The following FCRLA variants were observed in gnomAD, a reference collection of about 807,000 sequenced individuals.
FCRLA encodes the protein Fc receptor-like A.
FCRLA carries 26 observed loss-of-function variants against 28.4 expected under a neutral mutation model. That is an observed-to-expected ratio of 0.91 (90% CI 0.67 to 1.27). The LOEUF is 1.27. Ranked by LOEUF, FCRLA falls within the 50% of genes most tolerant of loss-of-function variation. FCRLA has a pLI of 0.00. For missense variants in FCRLA, 422 were observed against 433.1 expected, an observed-to-expected ratio of 0.97 and a Z score of 0.23; for synonymous variants, 174 against 168.5, an observed-to-expected ratio of 1.03 and a Z score of -0.25.
In FCRLA at chr1:161,711,752, G is replaced by A. The variant is rs1172590709; in HGVS notation, c.500-182G>A. ...ACAACTATCAGATTTGCCCATCTGT[G>A]GATCTTTCCTAGTCCTGTCTACTTA... On this transcript the variant is annotated intron_variant, in intron 3 of 4. Coordinates refer to ENST00000236938, the MANE Select transcript of FCRLA (RefSeq NM_032738.4). 1.3e-5 allele frequency: 11 copies of A among 840,890 alleles called. No homozygotes were observed. In the East Asian group the frequency reaches 2.7e-4, roughly 21 times the overall value. The allele number at this position is 840,890 out of a possible 1,614,324, so 52.1% of individuals were successfully genotyped here.
Position 161,712,140 on chromosome 1 carries a change from GGGTCATACT to G in FCRLA, c.710_718del (p.Ser237_Trp239del). The G allele has an allele frequency of 6.2e-7, 1 of 1,614,166 alleles. No individual in the cohort carries two copies. The highest frequency in any genetic ancestry group is 8.5e-7 in the Non-Finnish European group (1 of 1,180,036). On this transcript the variant is annotated inframe_deletion, in exon 4 of 5. Coordinates refer to ENST00000236938, the MANE Select transcript of FCRLA (RefSeq NM_032738.4). Reference sequence around the variant, plus strand: ...CCCCACAGCTTCAGAAGATCACTCCGGGTCATACTGGTGTGAGGCAGCCACTGAGGACAA... The same window carrying G: ...CCCCACAGCTTCAGAAGATCACTCCGGGTGTGAGGCAGCCACTGAGGACAA...
At chr1:161,709,672 G>A (rs544554575) in intron 1 of FCRLA, among the ~76,000 whole-genome samples, 78 of 152,182 alleles carry the variant, frequency 5.1e-4, no homozygotes, top group African/African-American at 1.5e-3. Context: ...AGTGGGGCAC[G>A]AAATGACAGT....
Position 161,710,876 on chromosome 1 carries a change from A to G in FCRLA, c.196A>G (p.Thr66Ala). The G allele has an allele frequency of 1.2e-6, 2 of 1,613,560 alleles. No individual in the cohort carries two copies. The highest frequency in any genetic ancestry group is 1.7e-6 in the Non-Finnish European group (2 of 1,180,020). Residue 66 changes from threonine (T) to alanine (A), a missense_variant, in exon 2 of 5, where the codon ACT becomes GCT. Thr to Ala is a moderately conservative substitution (Grantham distance 58). Around this residue, in one of 3 missense-constraint regions of FCRLA, gnomAD observed 231 missense variants for 214.6 expected, o/e 1.08. Coordinates refer to ENST00000236938, the MANE Select transcript of FCRLA (RefSeq NM_032738.4). The stretch of plus-strand genomic sequence containing the variant: ...AGCTGGCTTCCAGGTCAAGGCCTAC[A>G]CTTTCAGTGAACCCTTCCACCTGAT... ...REAGFQVKAY[T>A]FSEPFHLIVS...
Position 161,713,604 on chromosome 1 carries a change from G to A in FCRLA, c.*224G>A, listed in dbSNP as rs1683218572. ...TAACACAACAGAATTCTGCTGTCTAGATCAGGAATTTCTATCTGTTATATC... is the reference window on the plus strand; with the variant it reads ...TAACACAACAGAATTCTGCTGTCTAAATCAGGAATTTCTATCTGTTATATC... On this transcript the variant is annotated 3_prime_UTR_variant, in exon 5 of 5. Coordinates refer to ENST00000236938, the MANE Select transcript of FCRLA (RefSeq NM_032738.4). 2.1e-6 allele frequency: 1 copy of A among 468,992 alleles called. No homozygotes were observed. The highest frequency in any genetic ancestry group is 3.8e-6 in the Non-Finnish European group (1 of 266,118). The allele number at this position is 468,992 out of a possible 1,614,324, so 29.1% of individuals were successfully genotyped here. A position where few individuals can be genotyped will look rare whatever the true frequency, so the allele number is the denominator to read the frequency against.
At chr1:161,709,078 C>A (rs540365052) in intron 1 of FCRLA, among the ~76,000 whole-genome samples, 1 of 152,122 alleles carries the variant, frequency 6.6e-6, no homozygotes, top group East Asian at 1.9e-4. Flanking sequence ...TAATACCTAC[C>A]ACCTAAGGTT....
At chr1:161,710,319 TG>T in intron 1 of FCRLA, 1 of 673,452 alleles carries the variant, frequency 1.5e-6, no homozygotes, top group Non-Finnish European at 2.6e-6. Flanking sequence ...GTCACCTACC[TG>T]GAAAGTTTGT....
Position 161,713,238 on chromosome 1 carries a change from C to T in FCRLA, c.938C>T (p.Pro313Leu), listed in dbSNP as rs1411624227. Residue 313 changes from proline (P) to leucine (L), a missense_variant, in exon 5 of 5, where the codon CCA (proline) becomes CTA (leucine). Coordinates refer to ENST00000236938, the MANE Select transcript of FCRLA (RefSeq NM_032738.4). ...GGCTTTTCTTCTCCTCTGGGGATGC[C>T]AGATCCTCATCTGTATCACCAGATG... ...DPGFSSPLGM[P>L]DPHLYHQMGL... is the part of the protein sequence containing the mutation. 1.2e-6 allele frequency: 2 copies of T among 1,614,098 alleles called. No individual in the cohort carries two copies. Among genetic ancestry groups the T allele is most frequent in the African/African-American group, 2.7e-5 (2 of 74,942 alleles).
At position 161,713,077 on chromosome 1, in the gene FCRLA, T is replaced by C. The variant is rs145958684; in HGVS notation, c.785-8T>C. On this transcript the variant is annotated splice_polypyrimidine_tract_variant and splice_region_variant and intron_variant, in intron 4 of 4. Coordinates refer to ENST00000236938, the MANE Select transcript of FCRLA (RefSeq NM_032738.4). ...ACTCTTGTATGTGCCTCCTGCCCCA[T>C]AATTCAGGTGCTTCCAGCTCTGCTG... 1.9e-6 allele frequency: 3 copies of C among 1,607,746 alleles called. No individual in the cohort carries two copies. The African/African-American group carries it at 4.0e-5, about 22-fold the overall frequency.
chr1:161,711,836 G>A (rs1683115750), intron 3 of FCRLA, 98 bp from the exon 4 acceptor site: 3 of 1,385,694 alleles, frequency 2.2e-6, no homozygotes, highest in Non-Finnish European at 2.9e-6. Flanking sequence ...GCTGGAAACA[G>A]GGGAAAGGAA....
chr1:161,711,537 T>C, intron 3 of FCRLA, 63 bp downstream of exon 3: 1 of 1,545,120 alleles, frequency 6.5e-7, no homozygotes. Context: ...GAGCCCAAAT[T>C]GTCTTTCTTT....
rs749268660 is a variant in FCRLA, at chr1:161,711,464, C to G, written c.489C>G (p.Ile163Met). The change falls in exon 3 of 5, where the codon ATC becomes ATG. Residue 163 changes from isoleucine to methionine, a missense_variant. By Grantham distance (10) the Ile-to-Met change is conservative. Around this residue, in one of 3 missense-constraint regions of FCRLA, gnomAD observed 231 missense variants for 214.6 expected, o/e 1.08. Coordinates refer to ENST00000236938, the MANE Select transcript of FCRLA (RefSeq NM_032738.4). ...CAGAAACAGCATCTGTTGTGGCTAT[C>G]ACAGTCCAAGGTGAGAGCTAGAAGC... Reference protein sequence around the residue: ...GIPETASVVAITVQELFPAPI... With the variant: ...GIPETASVVAMTVQELFPAPI... 6.2e-7 allele frequency: 1 copy of G among 1,613,214 alleles called. No individual in the cohort carries two copies. Among genetic ancestry groups the G allele is most frequent in the South Asian group, 1.1e-5 (1 of 90,946 alleles).
chr1:161,713,665 A>G lies in FCRLA; in HGVS notation c.*285A>G, dbSNP rs1229935709. 3.5e-6 allele frequency: 1 copy of G among 282,572 alleles called. No individual in the cohort carries two copies. Among genetic ancestry groups the G allele is most frequent in the East Asian group, 8.2e-5 (1 of 12,126 alleles). 17.5% of individuals were successfully genotyped at this position (282,572 alleles called of 1,614,324 possible). A position where few individuals can be genotyped will look rare whatever the true frequency, so the allele number is the denominator to read the frequency against. On this transcript the variant is annotated 3_prime_UTR_variant, in exon 5 of 5. Coordinates refer to ENST00000236938, the MANE Select transcript of FCRLA (RefSeq NM_032738.4). The stretch of plus-strand genomic sequence containing the variant: ...TTGTGATTTAAAGAGAACTAATGGA[A>G]GTGGATTGAATACAGCAGTCTCAAC...
intron 2 of FCRLA, 143 bp from the exon 3 acceptor site, chr1:161,711,065 G>A (rs1226224453): frequency 3.5e-6 from 5 of 1,432,720 alleles, no homozygotes; most frequent in South Asian, 2.7e-5. Context: ...TAAGTCCTAG[G>A]CCCTAGGGAA....
At chr1:161,708,146 G>A in intron 1 of FCRLA, among the ~76,000 whole-genome samples, 1 of 152,130 alleles carries the variant, frequency 6.6e-6, no homozygotes, top group Admixed American at 6.6e-5. Flanking sequence ...CATGTGACTA[G>A]AGTTGAACTT....
chr1:161,709,285 G>C (rs1273146168), intron 1 of FCRLA, among the ~76,000 whole-genome samples: 4 of 151,958 alleles, frequency 2.6e-5, no homozygotes, highest in Non-Finnish European at 5.9e-5. Context: ...GTGCCACCAG[G>C]CCTGGCCAAT....
In FCRLA at chr1:161,710,916, A is replaced by G; in HGVS notation, c.232+4A>G. On this transcript the variant is annotated splice_donor_region_variant and intron_variant, in intron 2 of 4. Coordinates refer to ENST00000236938, the MANE Select transcript of FCRLA (RefSeq NM_032738.4). ...TTCCACCTGATTGTGTCCTATGGTG[A>G]GGTCCTGGGAAGGCCTGAGCAGTGC... The G allele has an allele frequency of 6.2e-7, 1 of 1,612,608 alleles. No homozygotes were observed. Among genetic ancestry groups the G allele is most frequent in the Non-Finnish European group, 8.5e-7 (1 of 1,179,952 alleles).
chr1:161,713,621 T>C lies in FCRLA; in HGVS notation c.*241T>C. 1 of 419,664 alleles carries C rather than the reference T, an allele frequency of 2.4e-6. No individual in the cohort carries two copies. The allele number at this position is 419,664 out of a possible 1,614,324, so 26.0% of individuals were successfully genotyped here. A position where few individuals can be genotyped will look rare whatever the true frequency, so the allele number is the denominator to read the frequency against. On this transcript the variant is annotated 3_prime_UTR_variant, in exon 5 of 5. Transcript: ENST00000236938. ...GCTGTCTAGATCAGGAATTTCTATC[T>C]GTTATATCGACCAGAATGTTGTGAT...
In FCRLA at chr1:161,707,273, G is replaced by GAAAAAAAATT. The variant is rs766259956; in HGVS notation, c.9_10insAAAAAAAATT (p.Gly4LysfsTer31). 2 of 1,613,952 alleles carry GAAAAAAAATT rather than the reference G, an allele frequency of 1.2e-6. No individual in the cohort carries two copies. The highest frequency in any genetic ancestry group is 8.5e-7 in the Non-Finnish European group (1 of 1,179,884). ...ACCTAAACACAGTCACCATGAAGCTGGGCTGTGTCCTCATGGCCTGGGCCC... is the reference window on the plus strand; with the variant it reads ...ACCTAAACACAGTCACCATGAAGCTGAAAAAAAATTGGCTGTGTCCTCATGGCCTGGGCCC... On this transcript the variant is annotated frameshift_variant, in exon 1 of 5. Transcript: ENST00000236938. LOFTEE classifies it high-confidence loss of function.
At chr1:161,711,006 G>A (rs1439180152) in intron 2 of FCRLA, 94 bp downstream of exon 2, 5 of 1,538,476 alleles carry the variant, frequency 3.2e-6, no homozygotes, top group Admixed American at 1.8e-5. Flanking sequence ...TTGGCTATGG[G>A]ATGAGGTACT....
Sources: gnomAD v4.1 joint callset for allele counts (sites outside exome capture counted in the v4.1 genomes callset) on GRCh38, gnomAD v4.1.1 for gene constraint, gnomAD v4.1.1 regional missense constraint, MANE v1.5 for transcripts, NCBI Gene and HGNC (gene_info 2026-07-23, HGNC 2026-07-21) for gene names.